The following ATXN7L1 variants were observed in gnomAD, a reference collection of about 807,000 sequenced individuals.
The protein encoded by ATXN7L1 is ataxin 7 like 1.
In ATXN7L1, 15 loss-of-function variants were observed where a neutral mutation model predicts 70.8. The observed-to-expected ratio is 0.21, with a 90% CI of 0.14 to 0.33. The LOEUF is 0.33. Among genes scored for constraint, ATXN7L1 ranks in the 10% least tolerant of loss-of-function variants. The pLI is 1.00. For synonymous variants in ATXN7L1, 440 were observed against 445.1 expected, an observed-to-expected ratio of 0.99 and a Z score of 0.14; for missense variants, 975 against 1,097.1, an observed-to-expected ratio of 0.89 and a Z score of 1.57.
chr7:105,721,401 T>C (rs1795168752), intron 3 of ATXN7L1, among the ~76,000 whole-genome samples: 2 of 152,216 alleles, frequency 1.3e-5, no homozygotes, highest in Middle Eastern at 3.2e-3. Context: ...GAAGGATTCC[T>C]GGACCATTCA....
intron 2 of ATXN7L1, among the ~76,000 whole-genome samples, chr7:105,871,949 C>T (rs1200738700): frequency 2.0e-5 from 3 of 151,950 alleles, no homozygotes; most frequent in Admixed American, 2.0e-4. Flanking sequence ...CAAGTCCTTG[C>T]TGTGTCTTCT....
chr7:105,647,285 G>A (rs1018794140), intron 4 of ATXN7L1, among the ~76,000 whole-genome samples: 2 of 152,182 alleles, frequency 1.3e-5, no homozygotes, highest in Admixed American at 6.5e-5. Flanking sequence ...TAGGTCCTCA[G>A]GCCTTCAGCA....
chr7:105,623,993 G>C (rs2115809503), intron 8 of ATXN7L1, 82 bp downstream of exon 8: 1 of 1,222,614 alleles, frequency 8.2e-7, no homozygotes, highest in Non-Finnish European at 1.1e-6. Context: ...GCCTTAGGAA[G>C]GATCATGCCT....
At chr7:105,719,267 G>C (rs1794918769) in intron 3 of ATXN7L1, among the ~76,000 whole-genome samples, 1 of 152,038 alleles carries the variant, frequency 6.6e-6, no homozygotes, top group African/African-American at 2.4e-5. Flanking sequence ...TTCCTCCTGG[G>C]AGCACCCTCC....
chr7:105,796,921 T>C (rs934743669), intron 2 of ATXN7L1, among the ~76,000 whole-genome samples: 1 of 152,162 alleles, frequency 6.6e-6, no homozygotes, highest in Non-Finnish European at 1.5e-5. Context: ...CATCTCCTAC[T>C]TCCCCAGCAG....
At chr7:105,840,587 A>G (rs569880478) in intron 2 of ATXN7L1, among the ~76,000 whole-genome samples, 78 of 152,242 alleles carry the variant, frequency 5.1e-4, no homozygotes, top group African/African-American at 1.0e-3. Flanking sequence ...GCTCTGTTGT[A>G]TCTTCTCCAG....
intron 3 of ATXN7L1, among the ~76,000 whole-genome samples, chr7:105,787,433 C>T (rs1288958087): frequency 1.3e-5 from 2 of 152,010 alleles, no homozygotes; most frequent in Non-Finnish European, 2.9e-5. Context: ...AGAGGTGCTC[C>T]GTAAGCCTGA....
chr7:105,675,092 C>T (rs1804422120), intron 3 of ATXN7L1, among the ~76,000 whole-genome samples: 1 of 151,794 alleles, frequency 6.6e-6, no homozygotes, highest in Admixed American at 6.6e-5. Flanking sequence ...GAAAATAGGC[C>T]TCCAGGAAAT....
At chr7:105,683,151 T>C (rs533247881) in intron 3 of ATXN7L1, among the ~76,000 whole-genome samples, 1 of 152,316 alleles carries the variant, frequency 6.6e-6, no homozygotes, top group South Asian at 2.1e-4. Flanking sequence ...ACGCTAATGC[T>C]ACCAATTTGG....
At chr7:105,760,139 C>T (rs1012357891) in intron 3 of ATXN7L1, 13 of 941,310 alleles carry the variant, frequency 1.4e-5, no homozygotes, top group Non-Finnish European at 1.6e-5. Flanking sequence ...CCTCTTGTCA[C>T]TCATACTGGC....
intron 9 of ATXN7L1, chr7:105,617,825 T>G (rs1300553078): frequency 4.9e-6 from 2 of 409,490 alleles, no homozygotes; most frequent in Admixed American, 5.4e-5. Flanking sequence ...TGGCGGCTCC[T>G]GATGCAGAGT....
intron 2 of ATXN7L1, among the ~76,000 whole-genome samples, chr7:105,830,611 T>A (rs1047763190): frequency 6.6e-6 from 1 of 152,382 alleles, no homozygotes; most frequent in Admixed American, 6.5e-5. Flanking sequence ...GAAAACAAAT[T>A]CCTGTATTCT....
intron 3 of ATXN7L1, among the ~76,000 whole-genome samples, chr7:105,750,204 G>A (rs647632): frequency 0.7 from 106,122 of 151,462 alleles, 37,791 homozygotes; most frequent in African/African-American, 0.75. Flanking sequence ...CCTGCTCATT[G>A]TTAAGTTTGT....
At chr7:105,728,174 T>C (rs1298859694) in intron 3 of ATXN7L1, among the ~76,000 whole-genome samples, 1 of 152,166 alleles carries the variant, frequency 6.6e-6, no homozygotes, top group Non-Finnish European at 1.5e-5. Context: ...CTAACTGTAT[T>C]ACAAACGTGT....
intron 3 of ATXN7L1, among the ~76,000 whole-genome samples, chr7:105,739,422 A>G (rs1202892665): frequency 6.6e-6 from 1 of 152,182 alleles, no homozygotes. Flanking sequence ...ATTCAGGCCC[A>G]CCTCCATAGA....
chr7:105,651,988 G>C (rs1367926744), intron 4 of ATXN7L1, among the ~76,000 whole-genome samples: 2 of 152,152 alleles, frequency 1.3e-5, no homozygotes, highest in Non-Finnish European at 2.9e-5. Context: ...TGTTATTCAT[G>C]GCTTCCCAGG....
chr7:105,707,361 G>C (rs1015925762), intron 3 of ATXN7L1, among the ~76,000 whole-genome samples: 13 of 152,188 alleles, frequency 8.5e-5, no homozygotes, highest in Non-Finnish European at 1.6e-4. Context: ...GAATGAAGAA[G>C]TCAAGGCAGC....
intron 3 of ATXN7L1, among the ~76,000 whole-genome samples, chr7:105,764,428 G>A (rs1800976187): frequency 6.6e-6 from 1 of 152,166 alleles, no homozygotes. Context: ...ACATTCTGGG[G>A]CCCCAACCCA....
In ATXN7L1 at chr7:105,791,676, A is replaced by C. The variant is rs1253456542; in HGVS notation, c.251-2968T>G. Among the ~76,000 whole-genome samples the C allele has an allele frequency of 4.4e-4, 67 of 152,228 alleles. 1 individual carries two copies. Among genetic ancestry groups the C allele is most frequent in the Non-Finnish European group, 1.5e-5 (1 of 68,026 alleles). Reference sequence around the variant, plus strand: ...AATTAAAGAAAAATACCATTACCAGAAAACTTTATTAACACTTCGCATCTC... The same window carrying C: ...AATTAAAGAAAAATACCATTACCAGCAAACTTTATTAACACTTCGCATCTC... On this transcript the variant is annotated intron_variant, in intron 2 of 11. Transcript: ENST00000419735.
Sources: allele counts gnomAD v4.1 joint callset (sites outside exome capture counted in the v4.1 genomes callset), GRCh38; gene constraint gnomAD v4.1.1; transcripts MANE v1.5; gene names NCBI Gene and HGNC (gene_info 2026-07-23, HGNC 2026-07-21).